Variants in RAB40A observed in about 807,000 individuals in gnomAD.
The protein encoded by RAB40A is RAB40A, member RAS oncogene family.
For missense variants in RAB40A, 145 were observed against 230.2 expected (o/e 0.63, Z 2.40); for synonymous variants, 65 against 99.9 (o/e 0.65, Z 2.08).
rs2073331435 is a variant in RAB40A, at chrX:103,519,410, G to A, written c.-263C>T. 1 of 112,009 alleles carries A rather than the reference G, an allele frequency of 8.9e-6. No individual in the cohort carries two copies. Among genetic ancestry groups the A allele is most frequent in the African/African-American group, 3.2e-5 (1 of 30,832 alleles). The allele number at this position is 112,009 out of a possible 1,213,427, so 9.2% of individuals were successfully genotyped here. ...AGTCCACCTCCATGTGCTTGATACAGTTGACACTTCTTACCCTACAGGAGA... is the reference window on the plus strand; with the variant it reads ...AGTCCACCTCCATGTGCTTGATACAATTGACACTTCTTACCCTACAGGAGA... On this transcript the variant is annotated 5_prime_UTR_variant, in exon 1 of 3. Coordinates refer to ENST00000304236, the MANE Select transcript of RAB40A (RefSeq NM_080879.3).
At position 103,500,784 on chromosome X, in the gene RAB40A, C is replaced by A. The variant is rs2073222890; in HGVS notation, c.-28G>T. The stretch of plus-strand genomic sequence containing the variant: ...TGCTGGCCCCGCACTCCCGCCTGAG[C>A]CAGGCCCGCGGGGTTGTGCGCAGAG... On this transcript the variant is annotated 5_prime_UTR_variant, in exon 3 of 3. Transcript: ENST00000304236. The A allele has an allele frequency of 1.7e-6, 2 of 1,197,762 alleles. No individual in the cohort carries two copies. Among genetic ancestry groups the A allele is most frequent in the South Asian group, 3.7e-5 (2 of 54,338 alleles).
At chrX:103,507,752 G>A (rs945679343) in intron 2 of RAB40A, among the ~76,000 whole-genome samples, 1 of 111,809 alleles carries the variant, frequency 8.9e-6, no homozygotes, top group African/African-American at 3.3e-5. Flanking sequence ...GAAATATAGA[G>A]TGCATTTGCT....
intron 2 of RAB40A, among the ~76,000 whole-genome samples, chrX:103,507,766 A>T (rs188228152): frequency 9.0e-6 from 1 of 111,408 alleles, no homozygotes; most frequent in Admixed American, 9.4e-5. Context: ...ATTTGCTTAC[A>T]GTAGTTCAGG....
At chrX:103,495,486 T>A (rs1264299900), downstream of RAB40A, among the ~76,000 whole-genome samples, 1 of 111,313 alleles carries the variant, frequency 9.0e-6, no homozygotes, top group East Asian at 2.8e-4. Flanking sequence ...CCATCCTGCT[T>A]GAATGCAGTT....
At chrX:103,511,596 A>G (rs1420025208) in intron 2 of RAB40A, among the ~76,000 whole-genome samples, 1 of 111,160 alleles carries the variant, frequency 9.0e-6, no homozygotes, top group African/African-American at 3.3e-5. Context: ...CTAACACAAA[A>G]ACAGAAAACC....
intron 2 of RAB40A, among the ~76,000 whole-genome samples, chrX:103,511,965 C>G (rs966644026): frequency 6.3e-5 from 7 of 111,295 alleles, no homozygotes; most frequent in Non-Finnish European, 9.4e-5. Context: ...CAGAGACACA[C>G]AGGGAGAGCA....
rs993602392 is a variant in RAB40A at position 103,499,756 on chromosome X, G to A, written c.*167C>T. The stretch of plus-strand genomic sequence containing the variant: ...AAATAGAAATTCAAAGTCAAACTGT[G>A]TAATGTGTTTTTATTGACAGAAGGC... On this transcript the variant is annotated 3_prime_UTR_variant, in exon 3 of 3. Coordinates refer to ENST00000304236, the MANE Select transcript of RAB40A (RefSeq NM_080879.3). 5.4e-6 allele frequency: 3 copies of A among 553,237 alleles called. No individual in the cohort carries two copies. The African/African-American group carries it at 6.9e-5, about 13-fold the overall frequency. 45.6% of individuals were successfully genotyped at this position (553,237 alleles called of 1,213,427 possible). A position where few individuals can be genotyped will look rare whatever the true frequency, so the allele number is the denominator to read the frequency against.
rs763586428 is a variant in RAB40A, at chrX:103,500,302, A to G, written c.455T>C (p.Phe152Ser). The G allele has an allele frequency of 1.2e-5, 14 of 1,211,952 alleles. No homozygotes were observed. Among genetic ancestry groups the G allele is most frequent in the Non-Finnish European group, 1.6e-5 (14 of 895,502 alleles). Residue 152 changes from phenylalanine (F) to serine (S), a missense_variant, in exon 3 of 3, where the codon TTC (phenylalanine) becomes TCC (serine). Physicochemically the swap from Phe to Ser is radical, Grantham distance 155. Transcript: ENST00000304236. Reference protein sequence around the residue: ...QAYAERLGVTFFEVSPLCNFN... With the variant: ...QAYAERLGVTSFEVSPLCNFN... ...ATTGCACAGAGGGCTGACCTCAAAG[A>G]AGGTCACACCCAGGCGCTCGGCGTA...
chrX:103,515,843 G>T (rs1307395039), intron 2 of RAB40A, among the ~76,000 whole-genome samples: 1 of 112,049 alleles, frequency 8.9e-6, no homozygotes, highest in Non-Finnish European at 1.9e-5. Context: ...GAGGTGAGAT[G>T]GGAAGGAAGC....
At chrX:103,508,379 G>A (rs1412416638) in intron 2 of RAB40A, among the ~76,000 whole-genome samples, 1 of 111,831 alleles carries the variant, frequency 8.9e-6, no homozygotes, top group Non-Finnish European at 1.9e-5. Context: ...GGTGACTTAG[G>A]CTCTGAAAGC....
At chrX:103,515,888 G>A (rs748950929) in intron 2 of RAB40A, among the ~76,000 whole-genome samples, 4 of 112,284 alleles carry the variant, frequency 3.6e-5, no homozygotes, top group South Asian at 3.7e-4. Context: ...ACCAAATACC[G>A]TGCCAGCATC....
chrX:103,507,704 G>A (rs2073263769), intron 2 of RAB40A, among the ~76,000 whole-genome samples: 2 of 112,279 alleles, frequency 1.8e-5, no homozygotes, highest in African/African-American at 6.5e-5. Flanking sequence ...ATAATTATCA[G>A]AATGATGGGT....
At chrX:103,518,907 A>G (rs2073328834) in intron 1 of RAB40A, among the ~76,000 whole-genome samples, 1 of 112,169 alleles carries the variant, frequency 8.9e-6, no homozygotes, top group Admixed American at 9.5e-5. Flanking sequence ...TAGAATTAGA[A>G]TATCATCCTT....
At chrX:103,516,287 A>C (rs1470567809) in intron 2 of RAB40A, among the ~76,000 whole-genome samples, 1 of 111,798 alleles carries the variant, frequency 8.9e-6, no homozygotes, top group Non-Finnish European at 1.9e-5. Context: ...ATAGTGTGAA[A>C]GTGGTACACA....
intron 2 of RAB40A, among the ~76,000 whole-genome samples, chrX:103,514,618 A>T (rs1303075389): frequency 8.9e-6 from 1 of 111,996 alleles, no homozygotes; most frequent in African/African-American, 3.2e-5. Context: ...CCCAGAGTAC[A>T]AGGATTACAG....
rs368486836 is a variant in RAB40A, at chrX:103,515,817, C to T, written c.-71+1557G>A. ...CTATCCAGATTATGAAACAACATCC[C>T]TGTTAAAGATCAGAAGAGGTGAGAT... On this transcript the variant is annotated intron_variant, in intron 2 of 2. Coordinates refer to ENST00000304236, the MANE Select transcript of RAB40A (RefSeq NM_080879.3). 6.0e-4 allele frequency among the ~76,000 whole-genome samples: 67 copies of T among 111,930 alleles called. 1 individual carries two copies. The highest frequency in any genetic ancestry group is 2.0e-3 in the African/African-American group (61 of 30,829).
chrX:103,505,495 C>CT lies in RAB40A; in HGVS notation c.-70-4670dup, dbSNP rs754861459. Reference sequence around the variant, plus strand: ...ATAATGGTTCTATTTGCCCCTTACTCTTTTTTTTAGTCCATGGGGTTACTG... The same window carrying CT: ...ATAATGGTTCTATTTGCCCCTTACTCTTTTTTTTTAGTCCATGGGGTTACTG... On this transcript the variant is annotated intron_variant, in intron 2 of 2. Transcript: ENST00000304236. Among the ~76,000 whole-genome samples, 11 of 111,568 alleles carry CT rather than the reference C, an allele frequency of 9.9e-5. No homozygotes were observed. The South Asian group carries it at 2.6e-3, about 27-fold the overall frequency.
At chrX:103,510,880 T>C (rs1274699601) in intron 2 of RAB40A, among the ~76,000 whole-genome samples, 1 of 112,118 alleles carries the variant, frequency 8.9e-6, no homozygotes, top group African/African-American at 3.2e-5. Flanking sequence ...GAACCTCATC[T>C]ACATTATAAC....
rs2073211075 is a variant in RAB40A at position 103,499,790 on chromosome X, C to T, written c.*133G>A. The T allele has an allele frequency of 5.4e-6, 4 of 744,354 alleles. No individual in the cohort carries two copies. Among genetic ancestry groups the T allele is most frequent in the Non-Finnish European group, 8.1e-6 (4 of 493,327 alleles). The allele number at this position is 744,354 out of a possible 1,213,427, so 61.3% of individuals were successfully genotyped here. On this transcript the variant is annotated 3_prime_UTR_variant, in exon 3 of 3. Transcript: ENST00000304236. ...TTTTATTGACAGAAGGCATCACACACATTCCCAAGCAGCATGGTTCCCGTG... is the reference window on the plus strand; with the variant it reads ...TTTTATTGACAGAAGGCATCACACATATTCCCAAGCAGCATGGTTCCCGTG...
Sources: allele counts gnomAD v4.1 joint callset (sites outside exome capture counted in the v4.1 genomes callset), GRCh38; gene constraint gnomAD v4.1.1; transcripts MANE v1.5; gene names NCBI Gene and HGNC (gene_info 2026-07-23, HGNC 2026-07-21).